Variants in PAQR5 observed in about 807,000 individuals in gnomAD.
PAQR5 encodes the protein membrane progestin receptor gamma.
PAQR5 carries 20 observed loss-of-function variants against 34.5 expected under a neutral mutation model. That is an observed-to-expected ratio of 0.58 (90% confidence interval 0.41 to 0.84). The LOEUF is 0.84. PAQR5 is among the 40% of genes least tolerant of loss of function. PAQR5 has a pLI of 0.00. For synonymous variants in PAQR5, 131 were observed against 155.6 expected, an observed-to-expected ratio of 0.84 and a Z score of 1.18; for missense variants, 378 against 412.7, an observed-to-expected ratio of 0.92 and a Z score of 0.73.
intron 1 of PAQR5, among the ~76,000 whole-genome samples, chr15:69,321,850 C>T (rs1228253470): frequency 6.6e-6 from 1 of 152,052 alleles, no homozygotes; most frequent in African/African-American, 2.4e-5. Context: ...CTGGGCTGGG[C>T]ACCACGGGCA....
chr15:69,399,567 G>C (rs2056559055), intron 7 of PAQR5, among the ~76,000 whole-genome samples: 1 of 152,162 alleles, frequency 6.6e-6, no homozygotes, highest in Admixed American at 6.5e-5. Context: ...TGCATGTTAA[G>C]AGTCAACTGT....
intron 3 of PAQR5, among the ~76,000 whole-genome samples, chr15:69,379,111 A>C (rs902843855): frequency 6.6e-6 from 1 of 152,294 alleles, no homozygotes; most frequent in African/African-American, 2.4e-5. Flanking sequence ...CCATGGCAGG[A>C]ATATAGTTTA....
chr15:69,326,899 C>T (rs1247000896), intron 1 of PAQR5, among the ~76,000 whole-genome samples: 2 of 141,624 alleles, frequency 1.4e-5, no homozygotes, highest in African/African-American at 5.1e-5. Flanking sequence ...AACTATTGTC[C>T]CTCCTTTACA....
intron 7 of PAQR5, 70 bp downstream of exon 7, chr15:69,397,634 T>TG (rs745717225): frequency 1.4e-5 from 15 of 1,048,444 alleles, no homozygotes; most frequent in Admixed American, 5.1e-5. Flanking sequence ...CCTGAGCTTC[T>TG]GGGGGGTCAC....
Position 69,397,361 on chromosome 15 carries a change from C to T in PAQR5, c.513-107C>T, listed in dbSNP as rs78025844. On this transcript the variant is annotated intron_variant, in intron 6 of 8. Transcript: ENST00000395407. ...GGCCACAGGAGCTTGTAGAAAAATGCTTGTCCTCTGTTGATGACCAGGCCC... is the reference window on the plus strand; with the variant it reads ...GGCCACAGGAGCTTGTAGAAAAATGTTTGTCCTCTGTTGATGACCAGGCCC... 4,727 of 796,284 alleles carry T rather than the reference C, an allele frequency of 5.9e-3. 113 individuals are homozygous for T. In the African/African-American group the frequency reaches 0.062, roughly 10 times the overall value. The allele number at this position is 796,284 out of a possible 1,614,324, so 49.3% of individuals were successfully genotyped here.
chr15:69,341,296 T>C (rs572436542), intron 2 of PAQR5, among the ~76,000 whole-genome samples: 1 of 151,574 alleles, frequency 6.6e-6, no homozygotes, highest in South Asian at 2.1e-4. Flanking sequence ...GTCTGGCTTA[T>C]TTGACTTAAT....
At chr15:69,403,489 C>A in intron 8 of PAQR5, 92 bp from the exon 9 acceptor site, 2 of 1,249,458 alleles carry the variant, frequency 1.6e-6, no homozygotes, top group Non-Finnish European at 2.2e-6. Flanking sequence ...GTTTCTTTCA[C>A]TTAGCATCAT....
intron 1 of PAQR5, among the ~76,000 whole-genome samples, chr15:69,306,609 T>G (rs1304991583): frequency 6.6e-6 from 1 of 152,074 alleles, no homozygotes; most frequent in Non-Finnish European, 1.5e-5. Flanking sequence ...TTCACCATGT[T>G]GGCCAGGATG....
At chr15:69,348,297 G>A (rs1158193248) in intron 2 of PAQR5, among the ~76,000 whole-genome samples, 1 of 152,198 alleles carries the variant, frequency 6.6e-6, no homozygotes, top group Non-Finnish European at 1.5e-5. Flanking sequence ...AGTATAAGAA[G>A]GACCCTATGA....
In PAQR5 at chr15:69,387,052, T is replaced by G. The variant is rs971086858; in HGVS notation, c.385+2170T>G. 1.1e-4 allele frequency among the ~76,000 whole-genome samples: 17 copies of G among 152,116 alleles called. No individual in the cohort carries two copies. The Middle Eastern group carries it at 0.01, about 91-fold the overall frequency. On this transcript the variant is annotated intron_variant, in intron 5 of 8. Transcript: ENST00000395407. The stretch of plus-strand genomic sequence containing the variant: ...ACCTGCTGTAAGCGGCACTGCCCCT[T>G]TGTCTTGACTCAGGCCCCGGCCTCT...
chr15:69,398,373 T>C (rs112841269), intron 7 of PAQR5, among the ~76,000 whole-genome samples: 2,326 of 152,248 alleles, frequency 0.015, 57 homozygotes, highest in African/African-American at 0.052. Flanking sequence ...TCACTGGCTA[T>C]GTGACCTCAG....
chr15:69,321,819 C>A (rs1402822046), intron 1 of PAQR5, among the ~76,000 whole-genome samples: 1 of 152,096 alleles, frequency 6.6e-6, no homozygotes, highest in African/African-American at 2.4e-5. Flanking sequence ...ATTCATTGAA[C>A]AGGAACACTG....
chr15:69,392,162 G>A (rs1300844519), intron 6 of PAQR5: 1 of 168,026 alleles, frequency 6.0e-6, no homozygotes, highest in Non-Finnish European at 1.3e-5. Context: ...GTTTTAAGTA[G>A]AGACAAGGTT....
At chr15:69,331,348 T>C (rs995686565) in intron 1 of PAQR5, among the ~76,000 whole-genome samples, 3 of 152,208 alleles carry the variant, frequency 2.0e-5, no homozygotes, top group Admixed American at 6.5e-5. Context: ...AGAAGAGTCT[T>C]GGTTTGAGAG....
chr15:69,374,731 C>T (rs1004653058), intron 3 of PAQR5, among the ~76,000 whole-genome samples: 1 of 152,140 alleles, frequency 6.6e-6, no homozygotes, highest in Admixed American at 6.5e-5. Context: ...TTTTCCCTCC[C>T]ATTCTTCCCC....
intron 6 of PAQR5, among the ~76,000 whole-genome samples, chr15:69,394,008 G>A (rs567956482): frequency 3.3e-5 from 5 of 152,320 alleles, no homozygotes; most frequent in Non-Finnish European, 5.9e-5. Flanking sequence ...CACAGGAAAC[G>A]GCTGCCACTC....
At chr15:69,323,962 T>C (rs140636082) in intron 1 of PAQR5, among the ~76,000 whole-genome samples, 13 of 152,204 alleles carry the variant, frequency 8.5e-5, no homozygotes, top group Non-Finnish European at 1.3e-4. Flanking sequence ...AGCCCCACGG[T>C]ACAGTTTTGC....
At chr15:69,342,382 G>C (rs1482447661) in intron 2 of PAQR5, among the ~76,000 whole-genome samples, 3 of 151,830 alleles carry the variant, frequency 2.0e-5, no homozygotes, top group African/African-American at 7.3e-5. Flanking sequence ...TTTTGAATTG[G>C]CTTGTTTGGA....
chr15:69,317,139 T>C (rs1303204701), intron 1 of PAQR5, among the ~76,000 whole-genome samples: 1 of 152,158 alleles, frequency 6.6e-6, no homozygotes, highest in African/African-American at 2.4e-5. Context: ...TTAGAATAGA[T>C]TGAGTGCTCA....
Sources: allele counts gnomAD v4.1 joint callset (sites outside exome capture counted in the v4.1 genomes callset), GRCh38; gene constraint gnomAD v4.1.1; transcripts MANE v1.5; gene names NCBI Gene and HGNC (gene_info 2026-07-23, HGNC 2026-07-21).